Variants in SOX5 observed in about 807,000 individuals in gnomAD.
SOX5 encodes the protein transcription factor SOX-5.
Under a neutral mutation model 92.0 loss-of-function variants are expected in SOX5, and 9 were observed. That is an observed-to-expected ratio of 0.10 (90% confidence interval 0.06 to 0.17). The LOEUF is 0.17. SOX5 is among the 10% of genes least tolerant of loss of function. SOX5 has a pLI of 1.00. For missense variants in SOX5, 642 were observed against 944.5 expected (o/e 0.68, Z 4.20); for synonymous variants, 344 against 336.3 (o/e 1.02, Z -0.25).
At chr12:24,190,513 G>A (rs983546293) in intron 4 of SOX5, among the ~76,000 whole-genome samples, 3 of 152,184 alleles carry the variant, frequency 2.0e-5, no homozygotes, top group African/African-American at 7.2e-5. Flanking sequence ...TGGAAAAGGT[G>A]GCTTAGGAAC....
At chr12:24,389,406 T>G (rs7301015) in intron 1 of SOX5, among the ~76,000 whole-genome samples, 3,948 of 152,290 alleles carry the variant, frequency 0.026, 78 homozygotes, top group East Asian at 0.049. Context: ...GAAATTTTAT[T>G]GTATGTGTAC....
chr12:23,654,834 CAT>C (rs1441723768), intron 7 of SOX5, among the ~76,000 whole-genome samples: 2 of 151,962 alleles, frequency 1.3e-5, no homozygotes, highest in Non-Finnish European at 1.5e-5. Flanking sequence ...GGGAATATTT[CAT>C]ATACATTTTA....
chr12:23,941,181 C>A (rs1269550604), intron 1 of SOX5, among the ~76,000 whole-genome samples: 3 of 151,568 alleles, frequency 2.0e-5, no homozygotes, highest in Non-Finnish European at 4.4e-5. Context: ...TTTGCATGTG[C>A]ACACACGTAT....
chr12:23,958,044 T>C (rs1946477746), intron 4 of SOX5, among the ~76,000 whole-genome samples: 1 of 152,054 alleles, frequency 6.6e-6, no homozygotes, highest in African/African-American at 2.4e-5. Flanking sequence ...TTTTAAATCT[T>C]GCATAGAGTC....
At chr12:24,412,613 C>A (rs955510130) in intron 1 of SOX5, among the ~76,000 whole-genome samples, 26 of 151,830 alleles carry the variant, frequency 1.7e-4, no homozygotes, top group Admixed American at 1.5e-3. Context: ...TTATTGATTT[C>A]TAATTTGATT....
intron 9 of SOX5, among the ~76,000 whole-genome samples, chr12:23,596,028 G>C (rs1952364561): frequency 1.3e-5 from 2 of 152,200 alleles, no homozygotes; most frequent in African/African-American, 2.4e-5. Context: ...AAGTTACCTT[G>C]AGACTGGGTT....
At chr12:23,557,307 C>T (rs1945350188) in intron 11 of SOX5, among the ~76,000 whole-genome samples, 2 of 152,218 alleles carry the variant, frequency 1.3e-5, no homozygotes, top group South Asian at 4.1e-4. Flanking sequence ...AAATTTCCAT[C>T]TTATTTGACA....
chr12:24,353,602 T>TG (rs528721319), intron 2 of SOX5, among the ~76,000 whole-genome samples: 13 of 151,288 alleles, frequency 8.6e-5, no homozygotes, highest in African/African-American at 3.2e-4. Context: ...GTGTTGGGGG[T>TG]GGGGGTCTTC....
chr12:23,571,251 T>C (rs1439047038), intron 10 of SOX5, among the ~76,000 whole-genome samples: 1 of 152,056 alleles, frequency 6.6e-6, no homozygotes, highest in Non-Finnish European at 1.5e-5. Flanking sequence ...TAACCTGGCA[T>C]GTTGTACAAC....
chr12:24,321,753 C>G (rs1029571448), intron 2 of SOX5, among the ~76,000 whole-genome samples: 3 of 152,052 alleles, frequency 2.0e-5, no homozygotes, highest in Admixed American at 6.6e-5. Context: ...GAATATTCAT[C>G]GAGTACCTAG....
At chr12:24,458,353 A>G (rs1024051529) in intron 1 of SOX5, among the ~76,000 whole-genome samples, 2 of 152,178 alleles carry the variant, frequency 1.3e-5, no homozygotes, top group African/African-American at 4.8e-5. Flanking sequence ...GCAAAAATTA[A>G]AACCCTGAGT....
At chr12:24,263,988 C>G (rs1942645741) in intron 3 of SOX5, among the ~76,000 whole-genome samples, 1 of 152,128 alleles carries the variant, frequency 6.6e-6, no homozygotes, top group Admixed American at 6.6e-5. Flanking sequence ...ACTTTTTACA[C>G]CAGAAATAAT....
chr12:23,840,692 A>G (rs535343783), intron 3 of SOX5, among the ~76,000 whole-genome samples: 1 of 152,298 alleles, frequency 6.6e-6, no homozygotes, highest in South Asian at 2.1e-4. Flanking sequence ...AATACGTTCA[A>G]TTGATCTTTA....
intron 3 of SOX5, among the ~76,000 whole-genome samples, chr12:23,777,984 A>C (rs2095160290): frequency 6.6e-6 from 1 of 152,212 alleles, no homozygotes; most frequent in African/African-American, 2.4e-5. Flanking sequence ...ATAAAATATG[A>C]AACACAAATC....
At chr12:23,807,393 T>C (rs959922885) in intron 3 of SOX5, among the ~76,000 whole-genome samples, 3 of 152,144 alleles carry the variant, frequency 2.0e-5, no homozygotes, top group African/African-American at 7.2e-5. Context: ...TTCAGTATGA[T>C]TGAGTTCCTC....
intron 3 of SOX5, among the ~76,000 whole-genome samples, chr12:23,845,647 A>G (rs1225510076): frequency 6.6e-6 from 1 of 152,154 alleles, no homozygotes; most frequent in Non-Finnish European, 1.5e-5. Context: ...CTCAAGGGAA[A>G]AAAAAATGGA....
At chr12:23,974,935 G>A (rs540275603) in intron 4 of SOX5, among the ~76,000 whole-genome samples, 161 of 152,164 alleles carry the variant, frequency 1.1e-3, no homozygotes, top group South Asian at 8.3e-4. Flanking sequence ...TGGGGGGAAA[G>A]TATAAAAGCA....
intron 2 of SOX5, among the ~76,000 whole-genome samples, chr12:24,304,993 A>G (rs61909929): frequency 0.12 from 18,649 of 152,150 alleles, 1,487 homozygotes; most frequent in South Asian, 0.18. Context: ...CTCCCCCTCA[A>G]TCAATGCCTT....
At chr12:24,271,863 G>A (rs1253749319) in intron 3 of SOX5, among the ~76,000 whole-genome samples, 1 of 152,048 alleles carries the variant, frequency 6.6e-6, no homozygotes, top group Non-Finnish European at 1.5e-5. Flanking sequence ...AATTAACGGA[G>A]CTCAATAAAA....
Sources: gnomAD v4.1 joint callset for allele counts (sites outside exome capture counted in the v4.1 genomes callset) on GRCh38, gnomAD v4.1.1 for gene constraint, MANE v1.5 for transcripts, NCBI Gene and HGNC (gene_info 2026-07-23, HGNC 2026-07-21) for gene names.